Variants in CCSER1 observed in about 807,000 individuals in gnomAD.
CCSER1 encodes coiled-coil serine rich protein 1.
In CCSER1, 41 loss-of-function variants were observed where a neutral mutation model predicts 82.0. The observed-to-expected ratio is 0.50, with a 90% CI of 0.39 to 0.65. The LOEUF (loss-of-function observed/expected upper bound fraction) is 0.65. CCSER1 is among the 30% of genes least tolerant of loss of function. CCSER1 has a pLI of 0.00. For synonymous variants in CCSER1, 414 were observed against 383.9 expected, an observed-to-expected ratio of 1.08 and a Z score of -0.92; for missense variants, 1,119 against 1,064.2, an observed-to-expected ratio of 1.05 and a Z score of -0.72.
intron 1 of CCSER1, among the ~76,000 whole-genome samples, chr4:90,216,533 T>C (rs193057184): frequency 1.4e-4 from 22 of 152,324 alleles, no homozygotes; most frequent in Middle Eastern, 3.4e-3. Flanking sequence ...TTAGATATCA[T>C]TTATAAAAGA....
chr4:91,019,893 C>A (rs1025369441), intron 9 of CCSER1, among the ~76,000 whole-genome samples: 1 of 152,070 alleles, frequency 6.6e-6, no homozygotes, highest in Admixed American at 6.5e-5. Context: ...TAGACTTGCT[C>A]TTCAGTTATG....
At chr4:91,136,786 A>C (rs989632339) in intron 10 of CCSER1, among the ~76,000 whole-genome samples, 1 of 152,074 alleles carries the variant, frequency 6.6e-6, no homozygotes, top group African/African-American at 2.4e-5. Flanking sequence ...ACTACTTGTG[A>C]ATCATGGTTC....
chr4:91,415,188 A>C (rs565663907), intron 10 of CCSER1, among the ~76,000 whole-genome samples: 1 of 152,260 alleles, frequency 6.6e-6, no homozygotes, highest in South Asian at 2.1e-4. Context: ...ATGGGAGTTC[A>C]TTCATGATTT....
At chr4:90,654,528 A>G (rs1729355984) in intron 6 of CCSER1, among the ~76,000 whole-genome samples, 1 of 152,118 alleles carries the variant, frequency 6.6e-6, no homozygotes, top group South Asian at 2.1e-4. Flanking sequence ...CTAAATGTAC[A>G]TTGCTCATTT....
chr4:90,609,167 C>G (rs147051458), intron 5 of CCSER1, among the ~76,000 whole-genome samples: 1 of 151,724 alleles, frequency 6.6e-6, no homozygotes, highest in Admixed American at 6.6e-5. Flanking sequence ...TATACTTAGA[C>G]GTTTGTTTCC....
At chr4:91,001,718 G>A (rs1161096168) in intron 9 of CCSER1, among the ~76,000 whole-genome samples, 3 of 152,136 alleles carry the variant, frequency 2.0e-5, no homozygotes, top group African/African-American at 4.8e-5. Context: ...CTGCAATTCT[G>A]CATCTTTTAA....
chr4:90,557,414 G>A (rs762640636), intron 5 of CCSER1, among the ~76,000 whole-genome samples: 14 of 152,084 alleles, frequency 9.2e-5, no homozygotes, highest in Middle Eastern at 6.8e-3. Context: ...ACTAATAATT[G>A]TATTACTAGT....
chr4:90,692,295 A>T (rs1321505697), intron 6 of CCSER1, among the ~76,000 whole-genome samples: 1 of 151,852 alleles, frequency 6.6e-6, no homozygotes, highest in Admixed American at 6.6e-5. Context: ...CATGTCATTA[A>T]ATGCTTTTAT....
intron 4 of CCSER1, among the ~76,000 whole-genome samples, chr4:90,444,696 G>T (rs779536195): frequency 4.0e-5 from 6 of 151,798 alleles, no homozygotes; most frequent in African/African-American, 1.5e-4. Flanking sequence ...CACACATTTT[G>T]CCATCAATAA....
chr4:90,895,282 T>TG (rs1420379646), intron 8 of CCSER1, among the ~76,000 whole-genome samples: 1 of 151,856 alleles, frequency 6.6e-6, no homozygotes, highest in East Asian at 1.9e-4. Context: ...ATGGTCCTCT[T>TG]GGAGAAAATT....
intron 9 of CCSER1, among the ~76,000 whole-genome samples, chr4:91,083,520 C>T (rs921813752): frequency 6.6e-6 from 1 of 151,844 alleles, no homozygotes; most frequent in African/African-American, 2.4e-5. Flanking sequence ...AACAAATCTG[C>T]ATGTTGTGCA....
At chr4:91,171,316 T>G (rs547757176) in intron 10 of CCSER1, among the ~76,000 whole-genome samples, 1 of 152,338 alleles carries the variant, frequency 6.6e-6, no homozygotes, top group South Asian at 2.1e-4. Context: ...TTTACACAAA[T>G]TCAACTAATT....
intron 10 of CCSER1, among the ~76,000 whole-genome samples, chr4:91,112,960 C>T (rs1038849782): frequency 6.6e-6 from 1 of 152,150 alleles, no homozygotes. Flanking sequence ...TCAGCTAAGA[C>T]GTAATGAGGG....
At chr4:90,934,940 A>G (rs1423183335) in intron 9 of CCSER1, among the ~76,000 whole-genome samples, 2 of 152,006 alleles carry the variant, frequency 1.3e-5, no homozygotes, top group African/African-American at 4.8e-5. Context: ...ACACACACAC[A>G]CGCACACACA....
chr4:90,977,045 T>A (rs2150411697), intron 9 of CCSER1, among the ~76,000 whole-genome samples: 1 of 151,748 alleles, frequency 6.6e-6, no homozygotes, highest in African/African-American at 2.4e-5. Context: ...CCAAAAAATT[T>A]GTTTAAAATG....
intron 1 of CCSER1, among the ~76,000 whole-genome samples, chr4:90,278,957 A>T (rs1728412601): frequency 6.6e-6 from 1 of 152,104 alleles, no homozygotes; most frequent in African/African-American, 2.4e-5. Context: ...TTTTTCCATA[A>T]GCGTAGGTTT....
rs147884147 is a variant in CCSER1 at position 91,300,548 on chromosome 4, C to T, written c.2217+214554C>T. ...AATATAGTCAATTATTCAAACACAA[C>T]AACTAAATTACTCCAATATTTTAAA... is the stretch of plus-strand genomic sequence containing the variant. On this transcript the variant is annotated intron_variant, in intron 10 of 10. Transcript: ENST00000509176. 1.1e-3 allele frequency among the ~76,000 whole-genome samples: 167 copies of T among 151,888 alleles called. 3 individuals carry two copies. The East Asian group carries it at 0.028, about 25-fold the overall frequency.
At chr4:91,220,122 A>G (rs1454532098) in intron 10 of CCSER1, among the ~76,000 whole-genome samples, 1 of 152,226 alleles carries the variant, frequency 6.6e-6, no homozygotes, top group Non-Finnish European at 1.5e-5. Context: ...GTTGAACTAT[A>G]CTGGGCATGT....
intron 7 of CCSER1, among the ~76,000 whole-genome samples, chr4:90,754,071 T>A (rs1362899006): frequency 1.3e-5 from 2 of 152,244 alleles, no homozygotes; most frequent in African/African-American, 2.4e-5. Context: ...TCAGGTTCAT[T>A]TTCTGTTTTG....
Sources: allele counts gnomAD v4.1 joint callset (sites outside exome capture counted in the v4.1 genomes callset), GRCh38; gene constraint gnomAD v4.1.1; transcripts MANE v1.5; gene names NCBI Gene and HGNC (gene_info 2026-07-23, HGNC 2026-07-21).